Variants in SV2C observed in about 807,000 individuals in gnomAD.
SV2C encodes solute carrier family 22 member B3.
A neutral mutation model predicts 79.7 loss-of-function variants in SV2C; 49 were observed. The ratio of observed to expected loss-of-function variants is 0.61; its 90% confidence interval spans 0.49 to 0.78. The LOEUF is 0.78. Among genes scored for constraint, SV2C ranks in the 30% least tolerant of loss-of-function variants. The probability of loss-of-function intolerance (pLI) is 0.00; values close to 1 mark genes in which losing one functional copy is unlikely to be tolerated. For synonymous variants in SV2C, 334 were observed against 333.2 expected (o/e 1.00, Z -0.03); for missense variants, 833 against 912.9 (o/e 0.91, Z 1.13).
chr5:75,915,984 T>C, the SV2C span, among the ~76,000 whole-genome samples: 1 of 151,986 alleles, frequency 6.6e-6, no homozygotes, highest in Non-Finnish European at 1.5e-5. Context: ...GAGAGACAGG[T>C]AGTATAGAGC....
chr5:76,012,107 C>A, the SV2C span, among the ~76,000 whole-genome samples: 4 of 152,112 alleles, frequency 2.6e-5, no homozygotes, highest in Admixed American at 2.6e-4. Context: ...GAGTTCTAAT[C>A]TTTTGGCTAT....
At chr5:76,322,119 C>T (rs984636775) in intron 12 of SV2C, among the ~76,000 whole-genome samples, 5 of 152,158 alleles carry the variant, frequency 3.3e-5, no homozygotes, top group Non-Finnish European at 7.3e-5. Context: ...TCCGTGGGCT[C>T]TTCTTATTTA....
At chr5:75,850,730 T>C in the SV2C span, among the ~76,000 whole-genome samples, 1 of 151,914 alleles carries the variant, frequency 6.6e-6, no homozygotes, top group African/African-American at 2.4e-5. Context: ...TGAAAATACA[T>C]TGTAAGGGTG....
At chr5:75,877,391 A>G in the SV2C span, among the ~76,000 whole-genome samples, 1 of 152,066 alleles carries the variant, frequency 6.6e-6, no homozygotes, top group African/African-American at 2.4e-5. Context: ...ATCAGCATAA[A>G]ACTAGAAGAC....
chr5:76,031,867 T>C, the SV2C span, among the ~76,000 whole-genome samples: 1 of 152,210 alleles, frequency 6.6e-6, no homozygotes. Context: ...TCCAGGGACT[T>C]TCCGAAATAT....
the SV2C span, among the ~76,000 whole-genome samples, chr5:75,948,116 C>A: frequency 6.6e-6 from 1 of 151,936 alleles, no homozygotes; most frequent in Non-Finnish European, 1.5e-5. Context: ...CTCATATACA[C>A]CTATTTTTAT....
the SV2C span, among the ~76,000 whole-genome samples, chr5:75,954,394 G>A: frequency 3.8e-4 from 57 of 151,932 alleles, no homozygotes; most frequent in African/African-American, 1.2e-3. Context: ...TTTGAAATAC[G>A]TCCCATCAAT....
chr5:76,221,829 C>A (rs1339792021), intron 4 of SV2C, among the ~76,000 whole-genome samples: 4 of 152,054 alleles, frequency 2.6e-5, no homozygotes, highest in Non-Finnish European at 5.9e-5. Context: ...TCCTGGAGAC[C>A]TTGACATACA....
the SV2C span, among the ~76,000 whole-genome samples, chr5:75,982,700 C>T: frequency 6.6e-6 from 1 of 152,144 alleles, no homozygotes; most frequent in Non-Finnish European, 1.5e-5. Flanking sequence ...ATAGCAAAGA[C>T]ATGGAATCAA....
At chr5:75,982,968 G>A in the SV2C span, among the ~76,000 whole-genome samples, 3 of 152,026 alleles carry the variant, frequency 2.0e-5, no homozygotes, top group Non-Finnish European at 4.4e-5. Flanking sequence ...TTTTGGAGGG[G>A]GGAGGGTGAA....
the SV2C span, among the ~76,000 whole-genome samples, chr5:76,036,045 T>C: frequency 0.05 from 7,622 of 152,040 alleles, 585 homozygotes; most frequent in African/African-American, 0.17. Context: ...AAGTCTGTTT[T>C]ATCAGAGACT....
intron 4 of SV2C, among the ~76,000 whole-genome samples, chr5:76,218,250 A>G (rs1744959763): frequency 6.6e-6 from 1 of 152,236 alleles, no homozygotes; most frequent in African/African-American, 2.4e-5. Flanking sequence ...CGATCACATT[A>G]CTGGGTATAT....
At chr5:76,009,033 G>T in the SV2C span, among the ~76,000 whole-genome samples, 1 of 152,050 alleles carries the variant, frequency 6.6e-6, no homozygotes, top group Non-Finnish European at 1.5e-5. Context: ...CTCAAATGTT[G>T]CCTGCTCAGT....
At chr5:76,065,213 A>G in the SV2C span, among the ~76,000 whole-genome samples, 2 of 152,232 alleles carry the variant, frequency 1.3e-5, no homozygotes, top group Non-Finnish European at 2.9e-5. Context: ...TTTTTAAAAT[A>G]TAATTGTATC....
chr5:76,261,390 A>G (rs770641361), intron 4 of SV2C, among the ~76,000 whole-genome samples: 20 of 152,216 alleles, frequency 1.3e-4, no homozygotes, highest in Non-Finnish European at 2.6e-4. Flanking sequence ...ATCTGCAAAC[A>G]GAGACAATTT....
rs187970462 is a variant in SV2C at position 76,167,066 on chromosome 5, G to A, written c.581-27853G>A. 5.7e-3 allele frequency among the ~76,000 whole-genome samples: 864 copies of A among 152,278 alleles called. 14 individuals carry two copies. The highest frequency in any genetic ancestry group is 0.037 in the South Asian group (179 of 4,826). The stretch of plus-strand genomic sequence containing the variant: ...TAGCCAGCCCTGACACAATTACATA[G>A]TGATCCTCTTCTGCAGAGCTCAAGA... On this transcript the variant is annotated intron_variant, in intron 2 of 12. Transcript: ENST00000502798.
At chr5:75,871,643 A>G in the SV2C span, among the ~76,000 whole-genome samples, 6 of 151,816 alleles carry the variant, frequency 4.0e-5, no homozygotes, top group Non-Finnish European at 8.8e-5. Context: ...CGCCGTCTCT[A>G]CTAAAAATAC....
the SV2C span, among the ~76,000 whole-genome samples, chr5:75,944,816 CTCCCAGCCCTGACCCAG>C: frequency 6.6e-6 from 1 of 152,198 alleles, no homozygotes; most frequent in African/African-American, 2.4e-5. Flanking sequence ...TGTTTTTTCT[CTCCCAGCCCTGACCCAG>C]GGCCAGCCCC....
chr5:75,852,415 G>A, the SV2C span, among the ~76,000 whole-genome samples: 1 of 151,910 alleles, frequency 6.6e-6, no homozygotes, highest in East Asian at 1.9e-4. Flanking sequence ...GCTACCAGAG[G>A]GGGAAAAAAG....
Sources: gnomAD v4.1 joint callset for allele counts (sites outside exome capture counted in the v4.1 genomes callset) on GRCh38, gnomAD v4.1.1 for gene constraint, MANE v1.5 for transcripts, NCBI Gene and HGNC (gene_info 2026-07-23, HGNC 2026-07-21) for gene names.